Variants in FARS2 observed in about 807,000 individuals in gnomAD.
FARS2 encodes the protein phenylalanyl-tRNA synthetase 2, mitochondrial.
In FARS2, 40 loss-of-function variants were observed where a neutral mutation model predicts 46.4. That is an observed-to-expected ratio of 0.86 (90% CI 0.67 to 1.12). FARS2 has a LOEUF of 1.12. Ranked by LOEUF, FARS2 falls within the 50% of genes most tolerant of loss-of-function variation. The pLI is 0.00. For synonymous variants in FARS2, 234 were observed against 214.9 expected, an observed-to-expected ratio of 1.09 and a Z score of -0.78; for missense variants, 513 against 567.9, an observed-to-expected ratio of 0.90 and a Z score of 0.98.
chr6:5,726,596 A>T (rs900834003), intron 6 of FARS2, among the ~76,000 whole-genome samples: 1 of 152,206 alleles, frequency 6.6e-6, no homozygotes, highest in African/African-American at 2.4e-5. Flanking sequence ...TGTCTTAACG[A>T]TATTTTTAAA....
chr6:5,293,817 C>T (rs545005303), intron 1 of FARS2, among the ~76,000 whole-genome samples: 8 of 152,202 alleles, frequency 5.3e-5, no homozygotes, highest in Non-Finnish European at 1.0e-4. Flanking sequence ...AGTGAAGTGG[C>T]TGTGAAGGCT....
chr6:5,632,921 C>G (rs1039481032), intron 6 of FARS2, among the ~76,000 whole-genome samples: 1 of 151,736 alleles, frequency 6.6e-6, no homozygotes, highest in Admixed American at 6.6e-5. Context: ...CCTAACCTCT[C>G]GAAAGTGAAG....
chr6:5,415,577 A>T (rs1004287165), intron 3 of FARS2, among the ~76,000 whole-genome samples: 4 of 152,106 alleles, frequency 2.6e-5, no homozygotes, highest in African/African-American at 9.7e-5. Context: ...TCGGCCTCCC[A>T]AAGTGTTGGG....
rs551215957 is a variant in FARS2, at chr6:5,523,163, T to C, written c.905-22017T>C. 2.0e-5 allele frequency among the ~76,000 whole-genome samples: 3 copies of C among 152,350 alleles called. No individual in the cohort carries two copies. The South Asian group carries it at 6.2e-4, about 32-fold the overall frequency. On this transcript the variant is annotated intron_variant, in intron 4 of 6. Coordinates refer to ENST00000274680, the MANE Select transcript of FARS2 (RefSeq NM_006567.5). ...ATTCAGAGTGAAATTTCAAGGGATC[T>C]TGTAACTTTCCTCGTCATTTTCATG...
intron 6 of FARS2, among the ~76,000 whole-genome samples, chr6:5,636,147 C>T (rs192603183): frequency 1.3e-3 from 190 of 151,882 alleles, no homozygotes; most frequent in Admixed American, 3.1e-3. Flanking sequence ...ATGAGCATCC[C>T]CAAATTTAAA....
chr6:5,507,456 C>G (rs773980824), intron 4 of FARS2, among the ~76,000 whole-genome samples: 14 of 152,056 alleles, frequency 9.2e-5, no homozygotes, highest in Non-Finnish European at 1.6e-4. Flanking sequence ...AAGCATGTTT[C>G]TTTTCATCTC....
rs905237607 is a variant in FARS2 at position 5,466,857 on chromosome 6, C to T, written c.904+35685C>T. 2.1e-5 allele frequency: 21 copies of T among 985,422 alleles called. No homozygotes were observed. In the African/African-American group the frequency reaches 3.5e-4, roughly 16 times the overall value. 61.0% of individuals were successfully genotyped at this position (985,422 alleles called of 1,614,324 possible). On this transcript the variant is annotated intron_variant, in intron 4 of 6. Transcript: ENST00000274680. Reference sequence around the variant, plus strand: ...ATGGAGCCCATTTGGAGTCAGCAGCCCATGCTGGCTCTTCTATGGATTCCT... The same window carrying T: ...ATGGAGCCCATTTGGAGTCAGCAGCTCATGCTGGCTCTTCTATGGATTCCT...
At chr6:5,342,684 G>A (rs1007459075) in intron 1 of FARS2, among the ~76,000 whole-genome samples, 3 of 151,938 alleles carry the variant, frequency 2.0e-5, no homozygotes, top group Admixed American at 6.5e-5. Context: ...CCTGGGAGGC[G>A]GAGGTTGCAG....
chr6:5,291,439 G>T (rs376451070), intron 1 of FARS2: 1 of 152,212 alleles, frequency 6.6e-6, no homozygotes, highest in Non-Finnish European at 1.5e-5. Flanking sequence ...TTTAGAGGCC[G>T]ATGGTGATCC....
intron 6 of FARS2, among the ~76,000 whole-genome samples, chr6:5,680,435 A>G (rs1467811775): frequency 2.0e-5 from 3 of 152,218 alleles, no homozygotes; most frequent in Non-Finnish European, 4.4e-5. Flanking sequence ...ATCTCTATCA[A>G]CAACACAGGT....
chr6:5,254,891 G>C, the FARS2 span, among the ~76,000 whole-genome samples: 1 of 152,072 alleles, frequency 6.6e-6, no homozygotes, highest in African/African-American at 2.4e-5. Context: ...AAATTCCGGT[G>C]GGAGGTGGAG....
chr6:5,719,452 G>GAGAAAGA (rs770470132), intron 6 of FARS2, among the ~76,000 whole-genome samples: 2 of 150,066 alleles, frequency 1.3e-5, no homozygotes, highest in Non-Finnish European at 3.0e-5. Flanking sequence ...GAGAGAAAGA[G>GAGAAAGA]ATAAAGAAAA....
At chr6:5,662,767 C>T (rs766199013) in intron 6 of FARS2, among the ~76,000 whole-genome samples, 1 of 152,214 alleles carries the variant, frequency 6.6e-6, no homozygotes, top group Non-Finnish European at 1.5e-5. Context: ...ATTCTCAGAT[C>T]AGATCCCCGG....
At chr6:5,313,743 G>A (rs1769255572) in intron 1 of FARS2, among the ~76,000 whole-genome samples, 1 of 151,990 alleles carries the variant, frequency 6.6e-6, no homozygotes, top group South Asian at 2.1e-4. Flanking sequence ...GTGGAGAAGT[G>A]GTCATAGGTG....
chr6:5,315,564 G>C (rs1226151580), intron 1 of FARS2, among the ~76,000 whole-genome samples: 1 of 152,112 alleles, frequency 6.6e-6, no homozygotes, highest in East Asian at 1.9e-4. Flanking sequence ...AAAGGAGCAA[G>C]GAGAAATGAT....
At chr6:5,441,491 T>G (rs1454066791) in intron 4 of FARS2, among the ~76,000 whole-genome samples, 1 of 152,240 alleles carries the variant, frequency 6.6e-6, no homozygotes, top group East Asian at 1.9e-4. Context: ...CTTTTATGTT[T>G]TAACAAATGA....
rs573825373 is a variant in FARS2 at position 5,610,138 on chromosome 6, A to AC, written c.1066-3028dup. ...CTCTCATTGGTTGTTTCAAAGCTCAACCCTCCAATGAAGAGCTTCCTCAGC... is the reference window on the plus strand; with the variant it reads ...CTCTCATTGGTTGTTTCAAAGCTCAACCCCTCCAATGAAGAGCTTCCTCAGC... On this transcript the variant is annotated intron_variant, in intron 5 of 6. Transcript: ENST00000274680. 3 of 1,100,868 alleles carry AC rather than the reference A, an allele frequency of 2.7e-6. No homozygotes were observed. In the South Asian group the frequency reaches 3.9e-5, roughly 14 times the overall value. The allele number at this position is 1,100,868 out of a possible 1,614,324, so 68.2% of individuals were successfully genotyped here. A position where few individuals can be genotyped will look rare whatever the true frequency, so the allele number is the denominator to read the frequency against.
intron 6 of FARS2, among the ~76,000 whole-genome samples, chr6:5,744,966 T>C (rs1165659976): frequency 6.6e-6 from 1 of 152,238 alleles, no homozygotes; most frequent in African/African-American, 2.4e-5. Context: ...ATCATCCTAG[T>C]CACGACCTTA....
chr6:5,314,740 C>T (rs1769329962), intron 1 of FARS2, among the ~76,000 whole-genome samples: 2 of 152,250 alleles, frequency 1.3e-5, no homozygotes, highest in South Asian at 4.2e-4. Context: ...ATGGGGTTAC[C>T]ACTGGCTCAG....
Sources: allele counts gnomAD v4.1 joint callset (sites outside exome capture counted in the v4.1 genomes callset), GRCh38; gene constraint gnomAD v4.1.1; transcripts MANE v1.5; gene names NCBI Gene and HGNC (gene_info 2026-07-23, HGNC 2026-07-21).